HCRTR2: variants seen among roughly 807,000 people sequenced by gnomAD.
HCRTR2 encodes hypocretin receptor 2, also known as orexin receptor type 2.
Under a neutral mutation model 49.0 loss-of-function variants are expected in HCRTR2, and 22 were observed. The observed-to-expected ratio is 0.45, with a 90% CI of 0.32 to 0.64. The LOEUF is 0.64. Among genes scored for constraint, HCRTR2 ranks in the 30% least tolerant of loss-of-function variants. The pLI, the probability that HCRTR2 is intolerant of heterozygous loss-of-function variation, is 0.04. For missense variants in HCRTR2, 491 were observed against 559.4 expected, an observed-to-expected ratio of 0.88 and a Z score of 1.23; for synonymous variants, 236 against 205.3, an observed-to-expected ratio of 1.15 and a Z score of -1.28.
chr6:55,269,770 T>A (rs1330541510), intron 4 of HCRTR2, among the ~76,000 whole-genome samples: 2 of 151,944 alleles, frequency 1.3e-5, no homozygotes, highest in Admixed American at 1.3e-4. Flanking sequence ...ACCAGCATAG[T>A]CAACGTGGTG....
At chr6:55,134,326 T>A (rs762986448) in intron 1 of HCRTR2, among the ~76,000 whole-genome samples, 86 of 151,932 alleles carry the variant, frequency 5.7e-4, no homozygotes, top group Non-Finnish European at 1.1e-3. Context: ...TGTCATTATT[T>A]ATTTTTCCAG....
rs537326793 is a variant in HCRTR2, at chr6:55,279,995, T to A, written c.984-328T>A. Among the ~76,000 whole-genome samples the A allele has an allele frequency of 1.1e-4, 16 of 152,258 alleles. No homozygotes were observed. The South Asian group carries it at 2.1e-3, about 20-fold the overall frequency. ...ACATAATAGAATATTAATACAACAT[T>A]ATTCAATTGTATTTAGAAAGAAAAT... On this transcript the variant is annotated intron_variant, in intron 5 of 6. Transcript: ENST00000370862.
In HCRTR2 at chr6:55,238,806, G is replaced by A. The variant is rs117743501; in HGVS notation, c.224-9833G>A. Among the ~76,000 whole-genome samples, 166 of 152,278 alleles carry A rather than the reference G, an allele frequency of 1.1e-3. No individual in the cohort carries two copies. In the East Asian group the frequency reaches 0.019, roughly 17 times the overall value. On this transcript the variant is annotated intron_variant, in intron 1 of 6. Coordinates refer to ENST00000370862, the MANE Select transcript of HCRTR2 (RefSeq NM_001384272.1). ...AAGATAATGAAAGAACAAAAGACAAGTGGATTAAAGACAGATATGCGGTGA... is the reference window on the plus strand; with the variant it reads ...AAGATAATGAAAGAACAAAAGACAAATGGATTAAAGACAGATATGCGGTGA...
intron 1 of HCRTR2, among the ~76,000 whole-genome samples, chr6:55,220,690 A>G (rs1391409787): frequency 1.3e-5 from 2 of 152,162 alleles, no homozygotes; most frequent in African/African-American, 4.8e-5. Flanking sequence ...TCAACGTATT[A>G]CTAGAAGTCT....
intron 1 of HCRTR2, among the ~76,000 whole-genome samples, chr6:55,220,461 A>G (rs1005242114): frequency 1.6e-4 from 25 of 152,198 alleles, no homozygotes; most frequent in Admixed American, 1.6e-3. Context: ...AGATCACATG[A>G]TAATCTCTAT....
In HCRTR2 at chr6:55,255,170, G is replaced by A. The variant is rs199969176; in HGVS notation, c.437G>A (p.Ser146Asn). 1.9e-6 allele frequency: 3 copies of A among 1,613,896 alleles called. No homozygotes were observed. The highest frequency in any genetic ancestry group is 4.5e-5 in the East Asian group (2 of 44,874). Residue 146 changes from serine to asparagine, a missense_variant, in exon 3 of 7, where the codon AGC becomes AAC. Ser to Asn is a conservative substitution (Grantham distance 46). Coordinates refer to ENST00000370862, the MANE Select transcript of HCRTR2 (RefSeq NM_001384272.1). Reference sequence around the variant, plus strand: ...GTGTCTGTGTCTGTCCTCACACTGAGCTGTATCGCCTTGGATCGGTGGTAT... The same window carrying A: ...GTGTCTGTGTCTGTCCTCACACTGAACTGTATCGCCTTGGATCGGTGGTAT... Reference protein sequence around the residue: ...VSVSVSVLTLSCIALDRWYAI... With the variant: ...VSVSVSVLTLNCIALDRWYAI...
intron 3 of HCRTR2, among the ~76,000 whole-genome samples, chr6:55,259,358 G>T (rs1027608681): frequency 6.6e-6 from 1 of 152,062 alleles, no homozygotes; most frequent in Non-Finnish European, 1.5e-5. Context: ...TTAGGGAGAA[G>T]ATAGTAAAAC....
At chr6:55,174,426 GA>G, upstream of HCRTR2, 1 of 691,184 alleles carries the variant, frequency 1.4e-6, no homozygotes, top group South Asian at 1.6e-5. Context: ...TTGCCCGGCA[GA>G]AGACTCCGGA....
chr6:55,224,510 C>T (rs944006030), intron 1 of HCRTR2, among the ~76,000 whole-genome samples: 23 of 152,040 alleles, frequency 1.5e-4, no homozygotes, highest in Non-Finnish European at 2.9e-4. Flanking sequence ...GTAGTCCCAG[C>T]TACCCGGGAG....
At chr6:55,171,093 A>G (rs1434358406), upstream of HCRTR2, among the ~76,000 whole-genome samples, 11 of 152,028 alleles carry the variant, frequency 7.2e-5, no homozygotes. Context: ...TTGTGTATAT[A>G]CCCAGTAATG....
intron 3 of HCRTR2, among the ~76,000 whole-genome samples, chr6:55,258,810 TG>T (rs1766700539): frequency 6.6e-6 from 1 of 152,084 alleles, no homozygotes; most frequent in South Asian, 2.1e-4. Flanking sequence ...CCCAGCACTT[TG>T]GGAGGCCGAG....
At chr6:55,165,272 T>C (rs897410961) in intron 1 of HCRTR2, among the ~76,000 whole-genome samples, 1 of 151,818 alleles carries the variant, frequency 6.6e-6, no homozygotes, top group Non-Finnish European at 1.5e-5. Flanking sequence ...TTCAAAGGGA[T>C]AACAATAGAG....
At chr6:55,176,465 C>T (rs1284046131) in intron 1 of HCRTR2, among the ~76,000 whole-genome samples, 1 of 152,158 alleles carries the variant, frequency 6.6e-6, no homozygotes, top group Non-Finnish European at 1.5e-5. Context: ...TCTTAAGACA[C>T]ATGGCTACCA....
intron 1 of HCRTR2, among the ~76,000 whole-genome samples, chr6:55,113,490 A>G (rs1764077686): frequency 6.6e-6 from 1 of 152,134 alleles, no homozygotes; most frequent in African/African-American, 2.4e-5. Context: ...GACATTTCTC[A>G]AAAGAAGATA....
At chr6:55,257,472 C>T (rs540081746) in intron 3 of HCRTR2, among the ~76,000 whole-genome samples, 96 of 151,612 alleles carry the variant, frequency 6.3e-4, no homozygotes, top group African/African-American at 2.0e-3. Flanking sequence ...TCTAATATTC[C>T]GGCAATTAGT....
upstream of HCRTR2, among the ~76,000 whole-genome samples, chr6:55,173,046 C>T (rs1226560827): frequency 6.6e-6 from 1 of 152,128 alleles, no homozygotes; most frequent in Admixed American, 6.6e-5. Context: ...GTGGGAGCTA[C>T]TGTCATTTGA....
At chr6:55,219,804 T>C (rs1448453692) in intron 1 of HCRTR2, among the ~76,000 whole-genome samples, 1 of 151,840 alleles carries the variant, frequency 6.6e-6, no homozygotes, top group African/African-American at 2.4e-5. Flanking sequence ...AACCTTTGGC[T>C]AGAATAACTA....
At chr6:55,140,918 G>A (rs902545199) in intron 1 of HCRTR2, among the ~76,000 whole-genome samples, 2 of 152,152 alleles carry the variant, frequency 1.3e-5, no homozygotes, top group Non-Finnish European at 2.9e-5. Flanking sequence ...AAGAGAGTTC[G>A]GAAGCTGGTT....
chr6:55,140,847 G>A (rs1331149752), intron 1 of HCRTR2, among the ~76,000 whole-genome samples: 1 of 152,108 alleles, frequency 6.6e-6, no homozygotes, highest in African/African-American at 2.4e-5. Context: ...ATACCTACAA[G>A]TAATTTAATA....
Sources: allele counts gnomAD v4.1 joint callset (sites outside exome capture counted in the v4.1 genomes callset), GRCh38; gene constraint gnomAD v4.1.1; transcripts MANE v1.5; gene names NCBI Gene and HGNC (gene_info 2026-07-23, HGNC 2026-07-21).